Variants in UVRAG observed in about 807,000 individuals in gnomAD.
UVRAG encodes the protein UV radiation resistance associated, also known as UV radiation resistance-associated gene protein.
Under a neutral mutation model 78.0 loss-of-function variants are expected in UVRAG, and 19 were observed. The observed-to-expected ratio is 0.24, with a 90% CI of 0.17 to 0.36. The LOEUF is 0.36. Among genes scored for constraint, UVRAG ranks in the 10% least tolerant of loss-of-function variants. The pLI, the probability that UVRAG is intolerant of heterozygous loss-of-function variation, is 1.00. For synonymous variants in UVRAG, 323 were observed against 324.6 expected (o/e 1.00, Z 0.05); for missense variants, 740 against 853.8 (o/e 0.87, Z 1.66).
chr11:75,978,660 C>T (rs919071249), intron 7 of UVRAG, among the ~76,000 whole-genome samples: 33 of 152,172 alleles, frequency 2.2e-4, no homozygotes, highest in South Asian at 8.3e-4. Context: ...TTGATCGAAT[C>T]GGCTACTGAA....
chr11:75,829,817 A>G (rs1945614084), intron 1 of UVRAG, among the ~76,000 whole-genome samples: 1 of 152,204 alleles, frequency 6.6e-6, no homozygotes, highest in African/African-American at 2.4e-5. Flanking sequence ...ATTAATTTTC[A>G]TGCCATGAAA....
At chr11:76,076,958 A>T (rs1283625220) in intron 13 of UVRAG, among the ~76,000 whole-genome samples, 2 of 150,840 alleles carry the variant, frequency 1.3e-5, no homozygotes, top group Non-Finnish European at 2.9e-5. Flanking sequence ...TCAAGGCTGC[A>T]GTGAGCTGTG....
At chr11:76,029,362 CATTTCATCACATTTCA>C (rs1240721235) in intron 12 of UVRAG, among the ~76,000 whole-genome samples, 8 of 152,140 alleles carry the variant, frequency 5.3e-5, no homozygotes, top group Admixed American at 5.2e-4. Context: ...TTAAGAAACA[CATTTCATCACATTTCA>C]TAAGACTGTA....
chr11:75,846,978 C>T (rs1428897479), intron 1 of UVRAG, among the ~76,000 whole-genome samples: 2 of 152,114 alleles, frequency 1.3e-5, no homozygotes, highest in African/African-American at 4.8e-5. Flanking sequence ...TGTGTGCCAC[C>T]ACGCCCGGCT....
At chr11:76,078,069 A>G (rs1951433815) in intron 13 of UVRAG, among the ~76,000 whole-genome samples, 1 of 152,228 alleles carries the variant, frequency 6.6e-6, no homozygotes, top group Admixed American at 6.5e-5. Flanking sequence ...AGGATGGCAT[A>G]TAAATTCTCA....
At chr11:76,113,771 C>G (rs1346985159) in intron 13 of UVRAG, among the ~76,000 whole-genome samples, 2 of 151,822 alleles carry the variant, frequency 1.3e-5, no homozygotes, top group Non-Finnish European at 2.9e-5. Flanking sequence ...GCCTTAGTTT[C>G]TTCATTTATA....
At chr11:75,928,555 AG>A (rs1276171826) in intron 6 of UVRAG, among the ~76,000 whole-genome samples, 1 of 151,568 alleles carries the variant, frequency 6.6e-6, no homozygotes, top group Non-Finnish European at 1.5e-5. Context: ...GCTTGAGCCT[AG>A]GGGTTTGAGA....
At chr11:76,081,357 C>A (rs1473731833) in intron 13 of UVRAG, among the ~76,000 whole-genome samples, 1 of 152,050 alleles carries the variant, frequency 6.6e-6, no homozygotes, top group African/African-American at 2.4e-5. Context: ...AGGCACCTGC[C>A]ACCACGCCCA....
chr11:75,871,282 CTT>C (rs769390519), intron 3 of UVRAG, among the ~76,000 whole-genome samples: 11 of 124,394 alleles, frequency 8.8e-5, no homozygotes, highest in South Asian at 2.5e-4. Context: ...GGCATATGCC[CTT>C]TTTTTTTTTT....
intron 7 of UVRAG, among the ~76,000 whole-genome samples, chr11:75,972,827 T>C (rs1949151167): frequency 6.6e-6 from 1 of 152,226 alleles, no homozygotes. Context: ...TTCCACTTGT[T>C]CATTGCTGTT....
chr11:75,921,108 A>G (rs553001914), intron 6 of UVRAG, among the ~76,000 whole-genome samples: 1 of 152,236 alleles, frequency 6.6e-6, no homozygotes, highest in Non-Finnish European at 1.5e-5. Context: ...CAGCAGTGGG[A>G]TTTCTGAGTC....
At chr11:75,824,651 G>A (rs935308617) in intron 1 of UVRAG, among the ~76,000 whole-genome samples, 15 of 151,332 alleles carry the variant, frequency 9.9e-5, no homozygotes, top group Middle Eastern at 3.4e-3. Context: ...TACTGCTGGG[G>A]AGAAAAAGAA....
At chr11:75,890,205 A>G (rs1947185504) in intron 5 of UVRAG, among the ~76,000 whole-genome samples, 1 of 152,200 alleles carries the variant, frequency 6.6e-6, no homozygotes, top group Non-Finnish European at 1.5e-5. Flanking sequence ...GAGTTTTAGC[A>G]CAGCAGTGTG....
intron 13 of UVRAG, among the ~76,000 whole-genome samples, chr11:76,083,527 C>A (rs1447953048): frequency 6.6e-6 from 1 of 152,206 alleles, no homozygotes; most frequent in East Asian, 1.9e-4. Flanking sequence ...ATAGGTCAAG[C>A]CCCTGCACTG....
chr11:75,942,686 G>A (rs893534848), intron 6 of UVRAG, among the ~76,000 whole-genome samples: 2 of 152,112 alleles, frequency 1.3e-5, no homozygotes, highest in African/African-American at 4.8e-5. Flanking sequence ...CACTTGCTAA[G>A]TGTACAGCTG....
chr11:75,898,256 A>G (rs986530463), intron 5 of UVRAG, among the ~76,000 whole-genome samples: 15 of 152,182 alleles, frequency 9.9e-5, no homozygotes, highest in African/African-American at 3.6e-4. Flanking sequence ...CCAATTTATC[A>G]TTATTTGCTT....
At chr11:75,860,238 C>G (rs1384112161) in intron 2 of UVRAG, among the ~76,000 whole-genome samples, 2 of 152,272 alleles carry the variant, frequency 1.3e-5, no homozygotes, top group Non-Finnish European at 2.9e-5. Context: ...AGCCACCACA[C>G]CCAGCCCCCA....
intron 14 of UVRAG, among the ~76,000 whole-genome samples, chr11:76,126,024 AC>A (rs1461952359): frequency 1.4e-5 from 2 of 147,672 alleles, no homozygotes; most frequent in Non-Finnish European, 3.0e-5. Context: ...ATCTCAGCTC[AC>A]TGCAAGCTCC....
chr11:75,815,548 C>T, intron 1 of UVRAG, 24 bp downstream of exon 1: 1 of 1,217,278 alleles, frequency 8.2e-7, no homozygotes, highest in Non-Finnish European at 1.0e-6. Context: ...GCTCGCAGCA[C>T]TCGGGAGGGA....
Sources: gnomAD v4.1 joint callset for allele counts (sites outside exome capture counted in the v4.1 genomes callset) on GRCh38, gnomAD v4.1.1 for gene constraint, MANE v1.5 for transcripts, NCBI Gene and HGNC (gene_info 2026-07-23, HGNC 2026-07-21) for gene names.